EVC: variants seen among roughly 807,000 people sequenced by gnomAD.
The protein encoded by EVC is EvC ciliary complex subunit 1.
Under a neutral mutation model 118.9 loss-of-function variants are expected in EVC, and 116 were observed. The ratio of observed to expected loss-of-function variants is 0.98; its 90% CI spans 0.84 to 1.14. The LOEUF (loss-of-function observed/expected upper bound fraction) is 1.14. EVC is among the 50% of genes most tolerant of loss of function. The probability of loss-of-function intolerance (pLI) is 0.00; values close to 1 mark genes in which losing one functional copy is unlikely to be tolerated. For synonymous variants in EVC, 619 were observed against 534.7 expected (o/e 1.16, Z -2.18); for missense variants, 1,401 against 1,246.4 (o/e 1.12, Z -1.87).
chr4:5,820,346 T>TAACA, the EVC span, among the ~76,000 whole-genome samples: 5 of 151,804 alleles, frequency 3.3e-5, no homozygotes, highest in Admixed American at 6.6e-5. Flanking sequence ...TCACTATTAC[T>TAACA]AACAACAGCT....
intron 12 of EVC, 28 bp downstream of exon 12, chr4:5,783,792 G>A: frequency 1.3e-6 from 2 of 1,576,992 alleles, no homozygotes. Flanking sequence ...CCCAGGGGCT[G>A]GGGTCTGCAT....
intron 12 of EVC, among the ~76,000 whole-genome samples, chr4:5,788,495 T>C (rs1476915840): frequency 1.3e-5 from 2 of 152,224 alleles, no homozygotes; most frequent in Non-Finnish European, 2.9e-5. Flanking sequence ...AGATGATTGA[T>C]AGACATGAGA....
chr4:5,821,604 C>T, the EVC span: 1 of 711,822 alleles, frequency 1.4e-6, no homozygotes, highest in Non-Finnish European at 2.3e-6. The surrounding 1 kb of genome is among the most constrained non-coding windows in gnomAD (Gnocchi z 4.4). Context: ...ACACTAGTAC[C>T]ACTTCTTCCT....
chr4:5,733,990 G>A (rs1029442481), intron 5 of EVC, among the ~76,000 whole-genome samples: 18 of 152,106 alleles, frequency 1.2e-4, no homozygotes, highest in African/African-American at 3.9e-4. Flanking sequence ...ATGGGGCCAC[G>A]TGTTCTCTTG....
rs754937564 is a variant in EVC, at chr4:5,748,333, C to T, written c.1098+27C>T. The stretch of plus-strand genomic sequence containing the variant: ...TAATGCTGGAGGGGGCGGGAGGGAA[C>T]ATAAAGATATTCAGACTAGAGATAT... On this transcript the variant is annotated intron_variant, in intron 8 of 20. Coordinates refer to ENST00000264956, the MANE Select transcript of EVC (RefSeq NM_153717.3). 6 of 1,612,818 alleles carry T rather than the reference C, an allele frequency of 3.7e-6. No individual in the cohort carries two copies. In the South Asian group the frequency reaches 5.5e-5, roughly 15 times the overall value.
At chr4:5,796,844 G>C (rs2152339432) in intron 13 of EVC, among the ~76,000 whole-genome samples, 178 bp from the exon 14 acceptor site, 1 of 151,934 alleles carries the variant, frequency 6.6e-6, no homozygotes, top group South Asian at 2.1e-4. Flanking sequence ...TAGACAAGCA[G>C]ATGGCGGCGT....
At chr4:5,797,336 G>A (rs1437766716) in intron 14 of EVC, 104 bp downstream of exon 14, 2 of 961,720 alleles carry the variant, frequency 2.1e-6, no homozygotes, top group Non-Finnish European at 3.2e-6. Context: ...ATCACCCTTG[G>A]TGCTGCAGGG....
intron 6 of EVC, 133 bp from the exon 7 acceptor site, chr4:5,745,071 C>T (rs1729151385): frequency 3.5e-6 from 3 of 848,946 alleles, no homozygotes; most frequent in Admixed American, 4.8e-5. Flanking sequence ...TACAACAACC[C>T]CCAGAGCATT....
In EVC at chr4:5,748,227, G is replaced by A. The variant is rs775052481; in HGVS notation, c.1019G>A (p.Arg340Gln). ...TTTAAGTGTTCCAGCTCCAAAGCCC[G>A]ACAGCTGATGATGACTCTGACGGAA... ...DQFKCSSSKA[R>Q]QLMMTLTERM... The change falls in exon 8 of 21, where the codon CGA (arginine) becomes CAA (glutamine). Residue 340 changes from arginine (R) to glutamine (Q), a missense_variant. Transcript: ENST00000264956. The A allele has an allele frequency of 1.0e-4, 168 of 1,614,138 alleles. No individual in the cohort carries two copies. Among genetic ancestry groups the A allele is most frequent in the Non-Finnish European group, 1.3e-4 (155 of 1,180,026 alleles).
At chr4:5,733,493 G>A (rs879069336) in intron 5 of EVC, 58 bp downstream of exon 5, 44 of 1,433,562 alleles carry the variant, frequency 3.1e-5, no homozygotes, top group Non-Finnish European at 3.6e-5. Flanking sequence ...GGGAGACAAG[G>A]ACTCTGTGTG....
At chr4:5,732,392 T>G (rs572499110) in intron 4 of EVC, among the ~76,000 whole-genome samples, 1 of 152,224 alleles carries the variant, frequency 6.6e-6, no homozygotes. Context: ...AGCCTGAAAG[T>G]GGCCCAGGCA....
the EVC span, chr4:5,825,545 G>A: frequency 4.4e-6 from 7 of 1,594,958 alleles, no homozygotes; most frequent in African/African-American, 9.5e-5. The surrounding 1 kb of genome is among the most constrained non-coding windows in gnomAD (Gnocchi z 4.4). Flanking sequence ...GGGGGCTGGT[G>A]TTTAGAAGGC....
rs112766640 is a variant in EVC at position 5,797,244 on chromosome 4, A to G, written c.2097+12A>G. The G allele has an allele frequency of 3.3e-5, 52 of 1,594,924 alleles. No homozygotes were observed. The highest frequency in any genetic ancestry group is 4.4e-4 in the Middle Eastern group (2 of 4,544). On this transcript the variant is annotated intron_variant, in intron 14 of 20. Transcript: ENST00000264956. The stretch of plus-strand genomic sequence containing the variant: ...TGCTCAGGGCCCTGGTAAGACCAGC[A>G]TGGTGGCCCCACCCATTCCAGACAG...
At chr4:5,764,113 G>T (rs1478748659) in intron 11 of EVC, among the ~76,000 whole-genome samples, 3 of 145,340 alleles carry the variant, frequency 2.1e-5, no homozygotes, top group Non-Finnish European at 3.0e-5. Flanking sequence ...TAGCATGAAG[G>T]GTTGTTGAAT....
rs1327434510 is a variant in EVC at position 5,746,444 on chromosome 4, G to A, written c.939+1103G>A. Among the ~76,000 whole-genome samples the A allele has an allele frequency of 6.6e-6, 1 of 152,206 alleles. No individual in the cohort carries two copies. Among genetic ancestry groups the A allele is most frequent in the Admixed American group, 6.5e-5 (1 of 15,288 alleles). On this transcript the variant is annotated intron_variant, in intron 7 of 20. Coordinates refer to ENST00000264956, the MANE Select transcript of EVC (RefSeq NM_153717.3). The surrounding 1 kb of genome is among the most constrained non-coding windows in gnomAD (Gnocchi z 5.8). ...GTGCTGCTGAAATAAGCGCCCCAGA[G>A]CAAGATGCTCATGGGAGGGAGGGAG...
chr4:5,814,578 G>C (rs1717390145), downstream of EVC, among the ~76,000 whole-genome samples: 1 of 152,180 alleles, frequency 6.6e-6, no homozygotes, highest in Non-Finnish European at 1.5e-5. Flanking sequence ...GAAAAAGCCA[G>C]ATCTTTACCA....
rs144928096 is a variant in EVC, at chr4:5,761,354, C to T, written c.1563+4992C>T. 6.9e-3 allele frequency among the ~76,000 whole-genome samples: 1,048 copies of T among 152,130 alleles called. 24 individuals are homozygous for T. Among genetic ancestry groups the T allele is most frequent in the African/African-American group, 0.024 (982 of 41,420 alleles). ...GAATCTCAACCACCAAAATGAATGA[C>T]TGAAGCAGGTGTCACAATCAATCGA... On this transcript the variant is annotated intron_variant, in intron 11 of 20. Coordinates refer to ENST00000264956, the MANE Select transcript of EVC (RefSeq NM_153717.3).
Position 5,748,309 on chromosome 4 carries a change from A to G in EVC, c.1098+3A>G. ...ATTCTCAGGAGCTGCAGGCTCTGGT[A>G]ATGCTGGAGGGGGCGGGAGGGAACA... is the stretch of plus-strand genomic sequence containing the variant. On this transcript the variant is annotated splice_donor_region_variant and intron_variant, in intron 8 of 20. Transcript: ENST00000264956. 6.2e-7 allele frequency: 1 copy of G among 1,614,096 alleles called. No homozygotes were observed. Among genetic ancestry groups the G allele is most frequent in the South Asian group, 1.1e-5 (1 of 91,076 alleles).
chr4:5,828,030 G>T, the EVC span: 2 of 985,300 alleles, frequency 2.0e-6, no homozygotes, highest in Non-Finnish European at 2.4e-6. Flanking sequence ...GGGCGGATCT[G>T]AAGGAAGCCC....
Sources: allele counts gnomAD v4.1 joint callset (sites outside exome capture counted in the v4.1 genomes callset), GRCh38; gene constraint gnomAD v4.1.1; non-coding constraint Gnocchi (gnomAD v3.1); transcripts MANE v1.5; gene names NCBI Gene and HGNC (gene_info 2026-07-23, HGNC 2026-07-21).